The following ZHX2 variants were observed in gnomAD, a reference collection of about 807,000 sequenced individuals.
The protein encoded by ZHX2 is zinc fingers and homeoboxes 2.
A neutral mutation model predicts 21.9 loss-of-function variants in ZHX2; 6 were observed. The observed-to-expected ratio is 0.27, with a 90% CI of 0.15 to 0.54. The LOEUF is 0.54. Ranked by LOEUF, ZHX2 falls within the 20% of genes least tolerant of loss-of-function variation. ZHX2 has a pLI of 0.95. For missense variants in ZHX2, 908 were observed against 1,090.7 expected (o/e 0.83, Z 2.36); for synonymous variants, 434 against 437.1 (o/e 0.99, Z 0.09).
intron 2 of ZHX2, among the ~76,000 whole-genome samples, chr8:122,943,117 C>G (rs1359440979): frequency 6.6e-6 from 1 of 152,100 alleles, no homozygotes; most frequent in Non-Finnish European, 1.5e-5. Flanking sequence ...CAAAAATTAG[C>G]CAGGCGTGGT....
At chr8:122,837,930 TC>T (rs759646192) in intron 1 of ZHX2, among the ~76,000 whole-genome samples, 18 of 152,216 alleles carry the variant, frequency 1.2e-4, no homozygotes, top group Admixed American at 3.9e-4. Context: ...AGATTACTGA[TC>T]CACAACCCAG....
At chr8:122,903,680 A>G (rs984843737) in intron 2 of ZHX2, among the ~76,000 whole-genome samples, 3 of 151,720 alleles carry the variant, frequency 2.0e-5, no homozygotes, top group African/African-American at 4.8e-5. Flanking sequence ...GTAGATTCAT[A>G]AAAGACTTTG....
intron 2 of ZHX2, among the ~76,000 whole-genome samples, chr8:122,868,742 C>T (rs1293602538): frequency 1.3e-5 from 2 of 151,312 alleles, no homozygotes; most frequent in Non-Finnish European, 2.9e-5. Context: ...TGGCGGGGCT[C>T]ACCTATGGTC....
At position 122,836,494 on chromosome 8, in the gene ZHX2, C is replaced by T. The variant is rs756987323; in HGVS notation, c.-282-26983C>T. Among the ~76,000 whole-genome samples, 5 of 152,258 alleles carry T rather than the reference C, an allele frequency of 3.3e-5. 1 individual carries two copies. Among genetic ancestry groups the T allele is most frequent in the Non-Finnish European group, 7.4e-5 (5 of 68,022 alleles). On this transcript the variant is annotated intron_variant, in intron 1 of 3. Transcript: ENST00000314393. ...TATCGGTTCGAACCCGGAGAGCGCG[C>T]GTTCGAACCAACAGACAACACGAGG...
In ZHX2 at chr8:122,936,559, G is replaced by C. The variant is rs893159750; in HGVS notation, c.-219-14733G>C. On this transcript the variant is annotated intron_variant, in intron 2 of 3. Transcript: ENST00000314393. ...GGCTGAGAACTGCTGTTTTAGAAAGGAATGGTGGCAGCGAGGAGGCTGGCC... is the reference window on the plus strand; with the variant it reads ...GGCTGAGAACTGCTGTTTTAGAAAGCAATGGTGGCAGCGAGGAGGCTGGCC... Among the ~76,000 whole-genome samples, 2 of 152,208 alleles carry C rather than the reference G, an allele frequency of 1.3e-5. 1 individual carries two copies. Among genetic ancestry groups the C allele is most frequent in the Admixed American group, 1.3e-4 (2 of 15,290 alleles).
In ZHX2 at chr8:122,953,378, C is replaced by T; in HGVS notation, c.1868C>T (p.Thr623Ile). The change falls in exon 3 of 4, where the codon ACA (threonine) becomes ATA (isoleucine). Residue 623 changes from threonine to isoleucine, a missense_variant. Thr to Ile is a moderately conservative substitution (Grantham distance 89). Around this residue, in one of 4 missense-constraint regions of ZHX2, gnomAD observed 431 missense variants for 428.6 expected, o/e 1.01. Transcript: ENST00000314393. This position sits in a 1 kb window ranked among gnomAD's most constrained non-coding sequence, Gnocchi z 4.6. ...RLDQLSGAQL[T>I]SSLPSPSPAI... is the part of the protein sequence containing the mutation. ...GACCAGCTCTCCGGTGCCCAGTTAA[C>T]AAGTTCTCTGCCCAGCCCTTCGCCA... 6.2e-7 allele frequency: 1 copy of T among 1,614,174 alleles called. No homozygotes were observed. The highest frequency in any genetic ancestry group is 8.5e-7 in the Non-Finnish European group (1 of 1,180,042).
upstream of ZHX2, chr8:122,781,157 AC>A (rs1422611690): frequency 6.6e-6 from 1 of 152,050 alleles, no homozygotes; most frequent in East Asian, 1.9e-4. The surrounding 1 kb of genome is among the most constrained non-coding windows in gnomAD (Gnocchi z 4.6). Flanking sequence ...TGGTGGCCCC[AC>A]CCGCGCACAG....
chr8:122,869,521 TGG>T (rs1161105178), intron 2 of ZHX2, among the ~76,000 whole-genome samples: 2 of 152,042 alleles, frequency 1.3e-5, no homozygotes, highest in Non-Finnish European at 2.9e-5. Flanking sequence ...GGGGACACCG[TGG>T]GGCTGGAGAG....
Position 122,859,518 on chromosome 8 carries a change from G to C in ZHX2, c.-282-3959G>C, listed in dbSNP as rs1218050294. Among the ~76,000 whole-genome samples the C allele has an allele frequency of 2.6e-5, 4 of 152,308 alleles. No homozygotes were observed. The East Asian group carries it at 7.7e-4, about 29-fold the overall frequency. On this transcript the variant is annotated intron_variant, in intron 1 of 3. Transcript: ENST00000314393. The stretch of plus-strand genomic sequence containing the variant: ...ATCATTTGAGAGAGGGACTAGCGTG[G>C]CTATGTGGCTGTGGAGCATGATGGG...
chr8:122,924,380 ATATTG>A (rs1820805604), intron 2 of ZHX2, among the ~76,000 whole-genome samples: 1 of 152,158 alleles, frequency 6.6e-6, no homozygotes, highest in Admixed American at 6.5e-5. Context: ...GACACTAGTC[ATATTG>A]TATTTGGGCT....
chr8:122,961,814 G>T (rs1233837617), intron 3 of ZHX2, among the ~76,000 whole-genome samples: 2 of 152,132 alleles, frequency 1.3e-5, no homozygotes, highest in East Asian at 3.9e-4. Flanking sequence ...ATGAGATTTG[G>T]GTGGGGACAC....
chr8:122,946,723 A>T (rs1187129235), intron 2 of ZHX2, among the ~76,000 whole-genome samples: 1 of 152,150 alleles, frequency 6.6e-6, no homozygotes, highest in Non-Finnish European at 1.5e-5. Context: ...CAAATGTCCC[A>T]AGCCCTTTGG....
intron 2 of ZHX2, among the ~76,000 whole-genome samples, chr8:122,884,359 C>A (rs1487727975): frequency 6.6e-6 from 1 of 152,194 alleles, no homozygotes; most frequent in African/African-American, 2.4e-5. Context: ...ATGCAAGATT[C>A]ATGGTATATT....
intron 2 of ZHX2, among the ~76,000 whole-genome samples, chr8:122,909,612 C>T (rs1051317601): frequency 2.6e-5 from 4 of 152,108 alleles, no homozygotes; most frequent in Middle Eastern, 3.2e-3. Flanking sequence ...CTCTCCCCCC[C>T]ACAACCTGTT....
chr8:122,900,649 G>C (rs1820207264), intron 2 of ZHX2, among the ~76,000 whole-genome samples: 1 of 152,158 alleles, frequency 6.6e-6, no homozygotes, highest in African/African-American at 2.4e-5. Flanking sequence ...CCTTAATTTT[G>C]TCCTGGTGCT....
chr8:122,822,664 C>T (rs925464658), intron 1 of ZHX2, among the ~76,000 whole-genome samples: 6 of 152,182 alleles, frequency 3.9e-5, no homozygotes, highest in African/African-American at 7.2e-5. Context: ...AGCAGAGGTC[C>T]GGAAAAGATG....
At position 122,819,307 on chromosome 8, in the gene ZHX2, C is replaced by T. The variant is rs73331777; in HGVS notation, c.-283+37361C>T. Among the ~76,000 whole-genome samples, 980 of 152,294 alleles carry T rather than the reference C, an allele frequency of 6.4e-3. 7 individuals are homozygous for T. Among genetic ancestry groups the T allele is most frequent in the African/African-American group, 0.022 (897 of 41,572 alleles). ...CTGTTTCCTCACCTACAGAATGGCA[C>T]TCTCCCACCAGAGCCTTATGAGATG... On this transcript the variant is annotated intron_variant, in intron 1 of 3. Transcript: ENST00000314393.
intron 3 of ZHX2, among the ~76,000 whole-genome samples, chr8:122,955,072 G>C (rs574397734): frequency 8.2e-6 from 1 of 121,524 alleles, no homozygotes; most frequent in Non-Finnish European, 1.8e-5. Context: ...CATAAGCCGG[G>C]GGGGGGGGGG....
chr8:122,868,288 G>A (rs1819345640), intron 2 of ZHX2, among the ~76,000 whole-genome samples: 1 of 152,112 alleles, frequency 6.6e-6, no homozygotes, highest in Non-Finnish European at 1.5e-5. Context: ...AGTTTGCAAT[G>A]AAAATCTTCT....
Sources: gnomAD v4.1 joint callset for allele counts (sites outside exome capture counted in the v4.1 genomes callset) on GRCh38, gnomAD v4.1.1 for gene constraint, gnomAD v4.1.1 regional missense constraint, Gnocchi (gnomAD v3.1) non-coding constraint, MANE v1.5 for transcripts, NCBI Gene and HGNC (gene_info 2026-07-23, HGNC 2026-07-21) for gene names.